The following FGD6 variants were observed in gnomAD, a reference collection of about 807,000 sequenced individuals.
The protein encoded by FGD6 is FYVE, RhoGEF and PH domain containing 6.
In FGD6, 90 loss-of-function variants were observed where a neutral mutation model predicts 149.4. That is an observed-to-expected ratio of 0.60 (90% CI 0.51 to 0.72). The LOEUF is 0.72. Among genes scored for constraint, FGD6 ranks in the 30% least tolerant of loss-of-function variants. The pLI is 0.00. For missense variants in FGD6, 1,437 were observed against 1,684.8 expected (o/e 0.85, Z 2.57); for synonymous variants, 527 against 584.0 (o/e 0.90, Z 1.41).
chr12:95,096,050 T>C (rs1165550575), intron 14 of FGD6, among the ~76,000 whole-genome samples: 2 of 151,400 alleles, frequency 1.3e-5, no homozygotes, highest in African/African-American at 2.4e-5. Context: ...TGACCTGATA[T>C]CTGCAATTTG....
intron 8 of FGD6, among the ~76,000 whole-genome samples, chr12:95,128,588 G>C (rs1445741312): frequency 6.6e-6 from 1 of 152,128 alleles, no homozygotes; most frequent in Non-Finnish European, 1.5e-5. Context: ...ACAGATCCAT[G>C]GTATAATTAA....
intron 2 of FGD6, among the ~76,000 whole-genome samples, chr12:95,194,741 C>T (rs1219857841): frequency 1.3e-5 from 2 of 151,916 alleles, no homozygotes; most frequent in Non-Finnish European, 2.9e-5. Context: ...CAAGTAAAAA[C>T]GGGGGGAATC....
chr12:95,183,579 G>A lies in FGD6; in HGVS notation c.2442-10835C>T, dbSNP rs963476974. Among the ~76,000 whole-genome samples the A allele has an allele frequency of 3.9e-5, 6 of 152,230 alleles. No homozygotes were observed. The East Asian group carries it at 9.7e-4, about 25-fold the overall frequency. On this transcript the variant is annotated intron_variant, in intron 2 of 20. Transcript: ENST00000343958. ...TCAAACAACCTCCAAGGCCAGGAGC[G>A]GTGGTTCCCAGCAATTTAGGAGGCC...
intron 2 of FGD6, among the ~76,000 whole-genome samples, chr12:95,202,390 A>AAAATAAAATAAAAT (rs374506254): frequency 1.4e-5 from 2 of 141,708 alleles, no homozygotes; most frequent in East Asian, 4.1e-4. Context: ...CCATTTCCCA[A>AAAATAAAATAAAAT]AAAATAAAAT....
chr12:95,113,817 T>C (rs1332799105), intron 8 of FGD6, 116 bp from the exon 9 acceptor site: 3 of 557,064 alleles, frequency 5.4e-6, no homozygotes, highest in Admixed American at 3.9e-5. Context: ...CTAGTCCAAC[T>C]TGTGCTAACT....
At chr12:95,174,679 A>G (rs1881078300) in intron 2 of FGD6, among the ~76,000 whole-genome samples, 1 of 152,228 alleles carries the variant, frequency 6.6e-6, no homozygotes, top group Non-Finnish European at 1.5e-5. Context: ...CTGTAATCCC[A>G]GCACTTTGGG....
Position 95,211,080 on chromosome 12 carries a change from C to A in FGD6, c.204G>T (p.Gly68=), listed in dbSNP as rs767503356. 5 of 1,614,028 alleles carry A rather than the reference C, an allele frequency of 3.1e-6. No individual in the cohort carries two copies. Among genetic ancestry groups the A allele is most frequent in the Non-Finnish European group, 3.4e-6 (4 of 1,180,044 alleles). ...VLKTSPVREI[G]QSPSRKIMLN... ...ACATGATTTTCCTTGATGGCGACTG[C>A]CCAATCTCTCGAACAGGTGAGGTCT... Residue 68 remains glycine, a synonymous_variant, in exon 2 of 21, where the codon GGG becomes GGT. Transcript: ENST00000343958.
At chr12:95,165,968 T>G (rs559013698) in intron 3 of FGD6, among the ~76,000 whole-genome samples, 63 of 151,392 alleles carry the variant, frequency 4.2e-4, no homozygotes, top group African/African-American at 1.2e-3. Context: ...TTTCTGTTTT[T>G]TTTTTTTTTT....
chr12:95,153,150 G>A (rs900695179), intron 3 of FGD6, among the ~76,000 whole-genome samples, 157 bp from the exon 4 acceptor site: 20 of 152,190 alleles, frequency 1.3e-4, no homozygotes, highest in Admixed American at 1.1e-3. Flanking sequence ...GTGGAGAATT[G>A]GATGAGGGAT....
At chr12:95,141,315 T>C in intron 6 of FGD6, 73 bp downstream of exon 6, 1 of 1,423,262 alleles carries the variant, frequency 7.0e-7, no homozygotes, top group Non-Finnish European at 9.7e-7. Flanking sequence ...TATATCTCTG[T>C]CACATGTGGG....
At chr12:95,133,489 T>A (rs531537354) in intron 8 of FGD6, among the ~76,000 whole-genome samples, 32 of 152,270 alleles carry the variant, frequency 2.1e-4, no homozygotes, top group African/African-American at 7.2e-4. Flanking sequence ...AATGAGGAAA[T>A]CCTGGTTTTT....
At chr12:95,110,390 T>C (rs1268140089) in intron 9 of FGD6, among the ~76,000 whole-genome samples, 1 of 150,662 alleles carries the variant, frequency 6.6e-6, no homozygotes, top group Non-Finnish European at 1.5e-5. Context: ...ACAGTCTTGC[T>C]CTGTCTCCCA....
At chr12:95,111,640 C>T (rs1878826288) in intron 9 of FGD6, among the ~76,000 whole-genome samples, 1 of 152,150 alleles carries the variant, frequency 6.6e-6, no homozygotes, top group Non-Finnish European at 1.5e-5. Flanking sequence ...TCACACTTTT[C>T]TCTGTCATCC....
chr12:95,168,388 G>A (rs565756009), intron 3 of FGD6, among the ~76,000 whole-genome samples: 43 of 152,316 alleles, frequency 2.8e-4, no homozygotes, highest in African/African-American at 9.4e-4. Context: ...TAGCAGCCAG[G>A]CGCGGTGGAT....
At chr12:95,162,185 T>G (rs1592858436) in intron 3 of FGD6, among the ~76,000 whole-genome samples, 1 of 150,478 alleles carries the variant, frequency 6.6e-6, no homozygotes, top group East Asian at 2.0e-4. Context: ...GAGGATCACA[T>G]GAGCCCAGGA....
intron 14 of FGD6, chr12:95,100,763 C>A (rs1186893854): frequency 4.0e-6 from 2 of 496,878 alleles, no homozygotes; most frequent in Non-Finnish European, 7.9e-6. Context: ...GATATCAATG[C>A]TTACAATAGT....
chr12:95,166,860 T>G (rs1195961752), intron 3 of FGD6, among the ~76,000 whole-genome samples: 2 of 148,438 alleles, frequency 1.3e-5, no homozygotes, highest in African/African-American at 4.9e-5. Context: ...TCTACTTTTT[T>G]TTTTTTTTTT....
At position 95,178,481 on chromosome 12, in the gene FGD6, C is replaced by T. The variant is rs567814707; in HGVS notation, c.2442-5737G>A. On this transcript the variant is annotated intron_variant, in intron 2 of 20. Transcript: ENST00000343958. The stretch of plus-strand genomic sequence containing the variant: ...AAGAAACATCAATGCTTCAGTAATA[C>T]GTAAGGCTATGGATGCTGATGTTCT... Among the ~76,000 whole-genome samples, 6 of 152,242 alleles carry T rather than the reference C, an allele frequency of 3.9e-5. No individual in the cohort carries two copies. In the South Asian group the frequency reaches 6.2e-4, roughly 16 times the overall value.
chr12:95,128,181 CT>C (rs1879405124), intron 8 of FGD6, among the ~76,000 whole-genome samples: 1 of 152,156 alleles, frequency 6.6e-6, no homozygotes, highest in African/African-American at 2.4e-5. Context: ...CCAGAATATA[CT>C]TTCTCAAACT....
Sources: gnomAD v4.1 joint callset for allele counts (sites outside exome capture counted in the v4.1 genomes callset) on GRCh38, gnomAD v4.1.1 for gene constraint, MANE v1.5 for transcripts, NCBI Gene and HGNC (gene_info 2026-07-23, HGNC 2026-07-21) for gene names.